TMEM209: variants seen among roughly 807,000 people sequenced by gnomAD.
TMEM209 encodes testicular tissue protein Li 202.
A neutral mutation model predicts 76.2 loss-of-function variants in TMEM209; 65 were observed. The ratio of observed to expected loss-of-function variants is 0.85; its 90% CI spans 0.70 to 1.05. The LOEUF (loss-of-function observed/expected upper bound fraction) is 1.05. Ranked by LOEUF, TMEM209 falls within the 50% of genes least tolerant of loss-of-function variation. TMEM209 has a pLI of 0.00. For synonymous variants in TMEM209, 239 were observed against 237.6 expected (o/e 1.01, Z -0.06); for missense variants, 623 against 685.5 (o/e 0.91, Z 1.02).
At chr7:130,201,027 T>C (rs1798175386) in intron 5 of TMEM209, among the ~76,000 whole-genome samples, 1 of 142,462 alleles carries the variant, frequency 7.0e-6, no homozygotes, top group African/African-American at 2.7e-5. Flanking sequence ...AGGCGGAGTT[T>C]GCAGTGAGCT....
At chr7:130,182,088 C>T (rs945528359) in intron 8 of TMEM209, 7 of 179,556 alleles carry the variant, frequency 3.9e-5, no homozygotes, top group Admixed American at 3.4e-4. Context: ...TTACAGGCAC[C>T]TGCCACCACG....
Position 130,175,547 on chromosome 7 carries a change from G to A in TMEM209, c.1309C>T (p.Arg437Ter), listed in dbSNP as rs1225787168. The A allele has an allele frequency of 3.1e-6, 5 of 1,613,170 alleles. No homozygotes were observed. Among genetic ancestry groups the A allele is most frequent in the East Asian group, 2.2e-5 (1 of 44,886 alleles). Residue 437 changes from arginine to a stop codon, truncating the protein, a stop_gained, in exon 11 of 15, where the codon CGA becomes TGA. Coordinates refer to ENST00000397622, the MANE Select transcript of TMEM209 (RefSeq NM_032842.4). LOFTEE classifies it high-confidence loss of function. ...GTGGGCAGGTCTGTATCCCACTTTC[G>A]TCCTTTGAAGTCGCCACCTCTGTTC... ...RWNRGGDFKGRKWDTDLPTDS... is the reference protein window; with the variant it reads ...RWNRGGDFKG
Position 130,204,127 on chromosome 7 carries a change from A to C in TMEM209, c.4-17T>G. The C allele has an allele frequency of 1.3e-6, 2 of 1,596,300 alleles. No homozygotes were observed. The highest frequency in any genetic ancestry group is 1.1e-5 in the South Asian group (1 of 87,840). On this transcript the variant is annotated splice_polypyrimidine_tract_variant and intron_variant, in intron 1 of 14. Coordinates refer to ENST00000397622, the MANE Select transcript of TMEM209 (RefSeq NM_032842.4). ...CCCCTGCATCTATGAAAAAACAAAAAGCACAGGAATTAACCAGAAGAAACT... is the reference window on the plus strand; with the variant it reads ...CCCCTGCATCTATGAAAAAACAAAACGCACAGGAATTAACCAGAAGAAACT...
intron 10 of TMEM209, among the ~76,000 whole-genome samples, chr7:130,177,745 G>T (rs914232132): frequency 3.3e-5 from 5 of 152,012 alleles, no homozygotes; most frequent in African/African-American, 7.2e-5. Flanking sequence ...CTAGTTTTGT[G>T]TATGTTTAAA....
intron 3 of TMEM209, 141 bp from the exon 4 acceptor site, chr7:130,202,804 G>T: frequency 9.7e-7 from 1 of 1,034,854 alleles, no homozygotes; most frequent in Non-Finnish European, 1.3e-6. Flanking sequence ...TTATGTGTAG[G>T]GTGGCTGGGC....
At chr7:130,186,080 A>G (rs1013137821) in intron 6 of TMEM209, among the ~76,000 whole-genome samples, 4 of 152,194 alleles carry the variant, frequency 2.6e-5, no homozygotes, top group Non-Finnish European at 5.9e-5. Flanking sequence ...AGCATCTAGC[A>G]TAGCGCCTGA....
intron 6 of TMEM209, among the ~76,000 whole-genome samples, chr7:130,186,272 CTCATTT>C (rs1797595450): frequency 1.3e-5 from 2 of 152,072 alleles, no homozygotes; most frequent in Admixed American, 6.6e-5. Context: ...AATAATAAAA[CTCATTT>C]TCCTTATGCT....
intron 13 of TMEM209, among the ~76,000 whole-genome samples, chr7:130,172,138 C>G (rs1474449483): frequency 6.6e-6 from 1 of 151,818 alleles, no homozygotes; most frequent in Non-Finnish European, 1.5e-5. Flanking sequence ...AGCAACACAG[C>G]AAGACTACCT....
chr7:130,187,467 G>A (rs1797640953), intron 6 of TMEM209, among the ~76,000 whole-genome samples: 1 of 151,958 alleles, frequency 6.6e-6, no homozygotes, highest in Non-Finnish European at 1.5e-5. Flanking sequence ...GGGAAACGGA[G>A]ATAAGGATTT....
intron 7 of TMEM209, 79 bp downstream of exon 7, chr7:130,185,113 G>GA (rs1797551565): frequency 2.8e-6 from 4 of 1,454,234 alleles, no homozygotes; most frequent in Non-Finnish European, 3.7e-6. Flanking sequence ...GAAGATTACA[G>GA]AAAAAATGTT....
intron 8 of TMEM209, chr7:130,181,954 T>C (rs1797436850): frequency 5.6e-6 from 2 of 356,540 alleles, no homozygotes; most frequent in Non-Finnish European, 1.1e-5. Flanking sequence ...CCTTTTTTTT[T>C]TTCGAGATGG....
Position 130,170,465 on chromosome 7 carries a change from A to G in TMEM209, c.1566T>C (p.Asn522=), listed in dbSNP as rs1797032255. 1 of 1,611,690 alleles carries G rather than the reference A, an allele frequency of 6.2e-7. No homozygotes were observed. The highest frequency in any genetic ancestry group is 1.3e-5 in the African/African-American group (1 of 74,878). ...ACATCAACAATGTATGAAACATATT[A>G]TTTCTGCCCTGGAACAAAGACAAAA... is the stretch of plus-strand genomic sequence containing the variant. The part of the protein sequence containing the change: ...RHVYNLPKGR[N]NMFHTLLMFL... Residue 522 remains asparagine, a synonymous_variant, in exon 14 of 15, where the codon AAT becomes AAC. Transcript: ENST00000397622.
intron 13 of TMEM209, among the ~76,000 whole-genome samples, chr7:130,173,237 G>C (rs947745203): frequency 6.6e-6 from 1 of 152,018 alleles, no homozygotes; most frequent in Non-Finnish European, 1.5e-5. Flanking sequence ...AGCTACTTGG[G>C]AGGCTGAGGT....
chr7:130,199,543 A>C (rs965879143), intron 5 of TMEM209, among the ~76,000 whole-genome samples: 2 of 152,074 alleles, frequency 1.3e-5, no homozygotes, highest in Non-Finnish European at 2.9e-5. Flanking sequence ...TCTTTTGATA[A>C]TTTCCTGACA....
chr7:130,172,024 C>T (rs1389061007), intron 13 of TMEM209, among the ~76,000 whole-genome samples: 1 of 151,842 alleles, frequency 6.6e-6, no homozygotes, highest in Non-Finnish European at 1.5e-5. Context: ...CAGAGCAAGA[C>T]TCTGTCTCAA....
chr7:130,180,281 C>T (rs1797366341), intron 9 of TMEM209, among the ~76,000 whole-genome samples: 1 of 151,996 alleles, frequency 6.6e-6, no homozygotes, highest in African/African-American at 2.4e-5. Context: ...GAGTCTTGGG[C>T]TTATATCTAG....
Position 130,188,620 on chromosome 7 carries a change from A to AG in TMEM209, c.776-3254dup, listed in dbSNP as rs942203498. Reference sequence around the variant, plus strand: ...CAAAAAAAAAAAAAAAAAAAAAAAAAGAAAATCTCTACTTTATAATCACCA... The same window carrying AG: ...CAAAAAAAAAAAAAAAAAAAAAAAAAGGAAAATCTCTACTTTATAATCACCA... On this transcript the variant is annotated intron_variant, in intron 6 of 14. Transcript: ENST00000397622. Among the ~76,000 whole-genome samples the AG allele has an allele frequency of 1.1e-3, 157 of 141,080 alleles. 3 individuals are homozygous for AG. Among genetic ancestry groups the AG allele is most frequent in the African/African-American group, 3.9e-3 (152 of 39,382 alleles). The allele number at this position is 141,080 out of a possible 152,430, so 92.6% of individuals were successfully genotyped here.
In TMEM209 at chr7:130,173,938, A is replaced by G. The variant is rs969153180; in HGVS notation, c.1346T>C (p.Ile449Thr). ...WDTDLPTDSA[I>T]IMHVFCTYLD... ...GTAGGTGCAAAATACATGCATGATGATCTGAGGATGAAGAAATAATTTTTT... is the reference window on the plus strand; with the variant it reads ...GTAGGTGCAAAATACATGCATGATGGTCTGAGGATGAAGAAATAATTTTTT... The change falls in exon 12 of 15, where the codon ATC becomes ACC. Residue 449 changes from isoleucine (I) to threonine (T), a missense_variant and splice_region_variant. Physicochemically the swap from Ile to Thr is moderately conservative, Grantham distance 89 (BLOSUM62 -1). Transcript: ENST00000397622. 1.9e-6 allele frequency: 3 copies of G among 1,594,858 alleles called. No individual in the cohort carries two copies. The highest frequency in any genetic ancestry group is 2.6e-6 in the Non-Finnish European group (3 of 1,162,934).
At chr7:130,199,445 C>T (rs1798110608) in intron 5 of TMEM209, among the ~76,000 whole-genome samples, 1 of 152,188 alleles carries the variant, frequency 6.6e-6, no homozygotes, top group South Asian at 2.1e-4. Flanking sequence ...TGGTCTTGAT[C>T]TCCTGACCTT....
Sources: gnomAD v4.1 joint callset for allele counts (sites outside exome capture counted in the v4.1 genomes callset) on GRCh38, gnomAD v4.1.1 for gene constraint, MANE v1.5 for transcripts, NCBI Gene and HGNC (gene_info 2026-07-23, HGNC 2026-07-21) for gene names.